GRM7: variants seen among roughly 807,000 people sequenced by gnomAD.
GRM7 encodes metabotropic glutamate receptor 7.
A neutral mutation model predicts 84.5 loss-of-function variants in GRM7; 35 were observed. That is an observed-to-expected ratio of 0.41 (90% CI 0.32 to 0.55). The LOEUF (loss-of-function observed/expected upper bound fraction) is 0.55, where lower values mean the gene tolerates loss of function less well. Among genes scored for constraint, GRM7 ranks in the 20% least tolerant of loss-of-function variants. The pLI is 0.19. For synonymous variants in GRM7, 487 were observed against 455.1 expected, an observed-to-expected ratio of 1.07 and a Z score of -0.89; for missense variants, 1,003 against 1,194.6, an observed-to-expected ratio of 0.84 and a Z score of 2.36.
At chr3:7,067,134 C>T (rs780436138) in intron 1 of GRM7, among the ~76,000 whole-genome samples, 20 of 151,882 alleles carry the variant, frequency 1.3e-4, no homozygotes, top group Admixed American at 2.0e-4. Context: ...CCACTCTCAC[C>T]GCTCCTCTTC....
rs745346073 is a variant in GRM7 at position 7,740,446 on chromosome 3, C to T, written c.*40C>T. On this transcript the variant is annotated 3_prime_UTR_variant, in exon 10 of 10. Transcript: ENST00000357716. ...TGGAACCATGGAGGAGGAAGACCCT[C>T]AGTTATTTTGTCACCCAACCTGGCA... 3 of 1,215,134 alleles carry T rather than the reference C, an allele frequency of 2.5e-6. No homozygotes were observed. The highest frequency in any genetic ancestry group is 3.5e-6 in the Non-Finnish European group (3 of 849,878). 75.3% of individuals were successfully genotyped at this position (1,215,134 alleles called of 1,614,324 possible). A position where few individuals can be genotyped will look rare whatever the true frequency, so the allele number is the denominator to read the frequency against.
chr3:7,621,902 G>A (rs369117428), intron 8 of GRM7, among the ~76,000 whole-genome samples: 3 of 152,136 alleles, frequency 2.0e-5, no homozygotes, highest in Non-Finnish European at 4.4e-5. Context: ...GAATATGATA[G>A]ATTGGATTGA....
chr3:7,057,158 T>G (rs1697255239), intron 1 of GRM7, among the ~76,000 whole-genome samples: 1 of 151,968 alleles, frequency 6.6e-6, no homozygotes, highest in Admixed American at 6.6e-5. Context: ...AGAAACTTGT[T>G]GAAATTAGTA....
intron 7 of GRM7, among the ~76,000 whole-genome samples, chr3:7,499,586 G>A (rs1273342489): frequency 6.6e-6 from 1 of 151,974 alleles, no homozygotes; most frequent in East Asian, 1.9e-4. Flanking sequence ...CTCTGAGTAG[G>A]GACTTATTTT....
chr3:7,082,493 G>A (rs923291951), intron 1 of GRM7, among the ~76,000 whole-genome samples: 1 of 152,094 alleles, frequency 6.6e-6, no homozygotes, highest in Non-Finnish European at 1.5e-5. Flanking sequence ...GGAAATTCAT[G>A]TTTTCATGGC....
chr3:7,096,908 A>C (rs1262842595), intron 1 of GRM7, among the ~76,000 whole-genome samples: 1 of 152,202 alleles, frequency 6.6e-6, no homozygotes, highest in Non-Finnish European at 1.5e-5. Flanking sequence ...TAAAATCATT[A>C]CATAGTTGTG....
At chr3:7,262,876 A>T (rs4435628) in intron 2 of GRM7, among the ~76,000 whole-genome samples, 152,241 of 152,246 alleles carry the variant, frequency 1, 76,118 homozygotes, top group Middle Eastern at 1. Flanking sequence ...TTTTGTATTT[A>T]TAGTAGAGAT....
intron 2 of GRM7, among the ~76,000 whole-genome samples, chr3:7,221,439 G>T (rs1696797415): frequency 6.6e-6 from 1 of 152,048 alleles, no homozygotes; most frequent in South Asian, 2.1e-4. Flanking sequence ...CCATTTATAG[G>T]AGCCATGCAG....
At chr3:7,639,465 C>G (rs1698263857) in intron 8 of GRM7, among the ~76,000 whole-genome samples, 1 of 152,196 alleles carries the variant, frequency 6.6e-6, no homozygotes, top group African/African-American at 2.4e-5. Context: ...GCAAGGCTTA[C>G]AGAGTTATTG....
At chr3:6,948,374 T>C (rs563886840) in intron 1 of GRM7, among the ~76,000 whole-genome samples, 125 of 152,286 alleles carry the variant, frequency 8.2e-4, no homozygotes, top group African/African-American at 2.7e-3. Flanking sequence ...TTTGAGTGAG[T>C]TTCTTAATCC....
At chr3:6,906,641 G>A (rs1209096069) in intron 1 of GRM7, among the ~76,000 whole-genome samples, 3 of 152,034 alleles carry the variant, frequency 2.0e-5, no homozygotes, top group African/African-American at 7.2e-5. Flanking sequence ...CACTGAGGAT[G>A]TTCAGAAGGC....
At chr3:7,371,870 G>A (rs992897047) in intron 4 of GRM7, among the ~76,000 whole-genome samples, 10 of 152,276 alleles carry the variant, frequency 6.6e-5, no homozygotes, top group Admixed American at 1.3e-4. Context: ...ACAGAGGTGT[G>A]AGTCAGTGAG....
chr3:7,616,213 A>G (rs1261669656), intron 8 of GRM7, among the ~76,000 whole-genome samples: 1 of 152,174 alleles, frequency 6.6e-6, no homozygotes, highest in African/African-American at 2.4e-5. Flanking sequence ...TGCCGGCATC[A>G]TTTCGCACAT....
intron 1 of GRM7, among the ~76,000 whole-genome samples, chr3:7,130,432 A>G (rs1198618126): frequency 4.6e-5 from 7 of 151,970 alleles, no homozygotes; most frequent in Non-Finnish European, 8.8e-5. Flanking sequence ...AATCCCAGGT[A>G]CTTGAGAGGC....
At chr3:6,930,204 A>C (rs1697452747) in intron 1 of GRM7, among the ~76,000 whole-genome samples, 1 of 152,178 alleles carries the variant, frequency 6.6e-6, no homozygotes, top group Non-Finnish European at 1.5e-5. Context: ...TTGCTGGGTT[A>C]ATGTAGTATT....
intron 5 of GRM7, among the ~76,000 whole-genome samples, chr3:7,429,515 CT>C (rs1696745310): frequency 6.6e-6 from 1 of 152,100 alleles, no homozygotes; most frequent in African/African-American, 2.4e-5. Context: ...ATAGATTTAT[CT>C]TTTTTATGAG....
chr3:7,234,581 C>G (rs915075746), intron 2 of GRM7, among the ~76,000 whole-genome samples: 2 of 152,126 alleles, frequency 1.3e-5, no homozygotes, highest in Non-Finnish European at 2.9e-5. Flanking sequence ...TATCATCTGT[C>G]TTACATAAGA....
At chr3:7,148,092 T>G (rs1694166198) in intron 2 of GRM7, among the ~76,000 whole-genome samples, 1 of 152,182 alleles carries the variant, frequency 6.6e-6, no homozygotes, top group South Asian at 2.1e-4. Flanking sequence ...ACTTTCTGAT[T>G]AGGAAAGAAA....
intron 2 of GRM7, among the ~76,000 whole-genome samples, chr3:7,222,510 G>T (rs1005353980): frequency 6.6e-6 from 1 of 152,064 alleles, no homozygotes; most frequent in Non-Finnish European, 1.5e-5. Flanking sequence ...GTCAGCCAAT[G>T]GCCTGAATGA....
Sources: allele counts gnomAD v4.1 joint callset (sites outside exome capture counted in the v4.1 genomes callset), GRCh38; gene constraint gnomAD v4.1.1; transcripts MANE v1.5; gene names NCBI Gene and HGNC (gene_info 2026-07-23, HGNC 2026-07-21).